CHRNA7: variants seen among roughly 807,000 people sequenced by gnomAD.
The protein encoded by CHRNA7 is cholinergic receptor nicotinic alpha 7 subunit.
A neutral mutation model predicts 48.0 loss-of-function variants in CHRNA7; 17 were observed. The observed-to-expected ratio is 0.35, with a 90% CI of 0.24 to 0.53. The LOEUF (loss-of-function observed/expected upper bound fraction) is 0.53. Ranked by LOEUF, CHRNA7 falls within the 20% of genes least tolerant of loss-of-function variation. The pLI is 0.92. For missense variants in CHRNA7, 155 were observed against 577.7 expected (o/e 0.27, Z 7.50); for synonymous variants, 75 against 242.3 (o/e 0.31, Z 6.41).
chr15:32,082,877 G>C (rs145182083), intron 2 of CHRNA7, among the ~76,000 whole-genome samples: 21 of 152,238 alleles, frequency 1.4e-4, no homozygotes, highest in Non-Finnish European at 3.1e-4. Flanking sequence ...GCTCATGCCT[G>C]TAATACCAAC....
At chr15:32,075,022 T>G (rs1297547983) in intron 2 of CHRNA7, among the ~76,000 whole-genome samples, 1 of 152,186 alleles carries the variant, frequency 6.6e-6, no homozygotes, top group Non-Finnish European at 1.5e-5. Flanking sequence ...AGTTTTATAT[T>G]GATTGATTTT....
intron 2 of CHRNA7, among the ~76,000 whole-genome samples, chr15:32,092,886 A>G (rs549256233): frequency 6.7e-4 from 102 of 152,272 alleles, no homozygotes; most frequent in Admixed American, 7.2e-4. Context: ...GAGGACCCCA[A>G]TTGTGATGAG....
chr15:32,083,114 C>T (rs2050241381), intron 2 of CHRNA7, among the ~76,000 whole-genome samples: 1 of 152,064 alleles, frequency 6.6e-6, no homozygotes, highest in Non-Finnish European at 1.5e-5. Context: ...TAAATGTGTC[C>T]CCCAAAGTTC....
chr15:32,115,723 G>C (rs2050858753), intron 4 of CHRNA7, among the ~76,000 whole-genome samples: 1 of 152,082 alleles, frequency 6.6e-6, no homozygotes. Context: ...ATGGCACTTA[G>C]GGTCTGCTAC....
At chr15:32,084,129 T>A (rs1163633542) in intron 2 of CHRNA7, among the ~76,000 whole-genome samples, 2 of 152,180 alleles carry the variant, frequency 1.3e-5, no homozygotes, top group African/African-American at 4.8e-5. Flanking sequence ...AAGAGAAGGA[T>A]TAGAGCCTAA....
chr15:32,138,058 G>GA (rs1437304399), intron 4 of CHRNA7, among the ~76,000 whole-genome samples: 1 of 151,490 alleles, frequency 6.6e-6, no homozygotes, highest in South Asian at 2.1e-4. Context: ...TAACTCCAAT[G>GA]AAAAAAAGAA....
At chr15:32,114,042 ATG>A (rs1491051423) in intron 4 of CHRNA7, among the ~76,000 whole-genome samples, 131 of 70,268 alleles carry the variant, frequency 1.9e-3, no homozygotes, top group Middle Eastern at 5.9e-3. Context: ...ATATATATAT[ATG>A]TATATATATA....
chr15:32,051,275 G>T (rs1343740789), intron 2 of CHRNA7, among the ~76,000 whole-genome samples: 3 of 152,100 alleles, frequency 2.0e-5, no homozygotes, highest in African/African-American at 7.2e-5. Context: ...AGGCAGGCAG[G>T]CCTCCTTGAG....
Position 32,064,484 on chromosome 15 carries a change from TG to T in CHRNA7, c.195+33448del, listed in dbSNP as rs2049931738. Among the ~76,000 whole-genome samples, 3 of 150,314 alleles carry T rather than the reference TG, an allele frequency of 2.0e-5. No homozygotes were observed. The South Asian group carries it at 6.4e-4, about 32-fold the overall frequency. On this transcript the variant is annotated intron_variant, in intron 2 of 9. Coordinates refer to ENST00000306901, the MANE Select transcript of CHRNA7 (RefSeq NM_000746.6). ...TTTGGTAGAAGCTGTGTGTGTGTAG[TG>T]TGTGTGTATGTGTGTGTATGTGTGT...
At chr15:32,071,109 G>A (rs181955219) in intron 2 of CHRNA7, among the ~76,000 whole-genome samples, 3 of 152,178 alleles carry the variant, frequency 2.0e-5, no homozygotes, top group Admixed American at 2.0e-4. Flanking sequence ...ACTTCAGGAG[G>A]TCTATTTCTA....
At chr15:32,144,516 A>G (rs2337979) in intron 4 of CHRNA7, among the ~76,000 whole-genome samples, 62,308 of 152,006 alleles carry the variant, frequency 0.41, 13,099 homozygotes, top group African/African-American at 0.51. Context: ...GTGTTTTCCA[A>G]CTTGGTTCCA....
intron 2 of CHRNA7, among the ~76,000 whole-genome samples, chr15:32,045,323 G>C (rs962044666): frequency 6.6e-5 from 10 of 152,090 alleles, no homozygotes; most frequent in African/African-American, 2.4e-4. Flanking sequence ...GTAGAGATGA[G>C]AGAACGGAGA....
At chr15:32,139,007 G>GCCTC (rs1312122230) in intron 4 of CHRNA7, among the ~76,000 whole-genome samples, 1 of 152,176 alleles carries the variant, frequency 6.6e-6, no homozygotes, top group Non-Finnish European at 1.5e-5. Context: ...ACCTGCCTTA[G>GCCTC]CCTCCCAAAG....
intron 4 of CHRNA7, among the ~76,000 whole-genome samples, chr15:32,150,550 G>C (rs1194408181): frequency 6.6e-6 from 1 of 152,168 alleles, no homozygotes; most frequent in Non-Finnish European, 1.5e-5. Flanking sequence ...TGGCCAGAGA[G>C]GCTTTAGTTT....
rs199837388 is a variant in CHRNA7, at chr15:32,169,032, TAAAAAAA to T, written c.*584_*590del. The T allele has an allele frequency of 2.9e-4, 39 of 132,446 alleles. 1 individual carries two copies. Among genetic ancestry groups the T allele is most frequent in the Non-Finnish European group, 2.8e-4 (17 of 61,398 alleles). The allele number at this position is 132,446 out of a possible 1,614,324, so 8.2% of individuals were successfully genotyped here. ...AAACAGCTTGATGCTGTTTCTACAT[TAAAAAAA>T]AAAAAAAAAGACAGACTGTTGGTCT... On this transcript the variant is annotated 3_prime_UTR_variant, in exon 10 of 10. Transcript: ENST00000306901.
chr15:32,048,825 G>C (rs1157524026), intron 2 of CHRNA7, among the ~76,000 whole-genome samples: 3 of 151,746 alleles, frequency 2.0e-5, no homozygotes, highest in Non-Finnish European at 2.9e-5. Context: ...AAATTTCCCT[G>C]TAGACACTGC....
At chr15:32,124,675 G>A (rs2051033814) in intron 4 of CHRNA7, among the ~76,000 whole-genome samples, 1 of 109,020 alleles carries the variant, frequency 9.2e-6, no homozygotes, top group South Asian at 3.6e-4. Flanking sequence ...ATAAGGCAAA[G>A]ATGAGAAATG....
intron 2 of CHRNA7, among the ~76,000 whole-genome samples, chr15:32,087,509 C>T (rs2050316934): frequency 6.6e-6 from 1 of 152,164 alleles, no homozygotes. Context: ...GTCATCATTT[C>T]TAGGCCCTTT....
intron 4 of CHRNA7, among the ~76,000 whole-genome samples, chr15:32,135,697 A>G (rs2051244314): frequency 6.6e-6 from 1 of 152,152 alleles, no homozygotes; most frequent in African/African-American, 2.4e-5. Context: ...ATTGATGAAA[A>G]ACATACATCC....
Sources: allele counts gnomAD v4.1 joint callset (sites outside exome capture counted in the v4.1 genomes callset), GRCh38; gene constraint gnomAD v4.1.1; transcripts MANE v1.5; gene names NCBI Gene and HGNC (gene_info 2026-07-23, HGNC 2026-07-21).